The following MCM9 variants were observed in gnomAD, a reference collection of about 807,000 sequenced individuals.
The protein encoded by MCM9 is minichromosome maintenance 9 homologous recombination repair factor.
In MCM9, 55 loss-of-function variants were observed where a neutral mutation model predicts 72.8. The observed-to-expected ratio is 0.76, with a 90% CI of 0.61 to 0.95. MCM9 has a LOEUF of 0.95. MCM9 is among the 40% of genes least tolerant of loss of function. The pLI is 0.00. For missense variants in MCM9, 1,279 were observed against 1,377.0 expected (o/e 0.93, Z 1.13); for synonymous variants, 480 against 503.4 (o/e 0.95, Z 0.62).
chr6:118,894,338 T>A, intron 8 of MCM9: 2 of 1,530,852 alleles, frequency 1.3e-6, no homozygotes, highest in Non-Finnish European at 1.8e-6. Context: ...GTCTGCGCTC[T>A]CCCGAGCGGC....
intron 4 of MCM9, among the ~76,000 whole-genome samples, chr6:118,923,029 C>CAAAAAAAA (rs780562520): frequency 4.6e-5 from 2 of 43,492 alleles, no homozygotes; most frequent in African/African-American, 1.5e-4. Flanking sequence ...AACTCCATCT[C>CAAAAAAAA]AAAAAAAAAA....
intron 8 of MCM9, among the ~76,000 whole-genome samples, chr6:118,882,316 CCCA>C (rs1281707982): frequency 3.9e-5 from 6 of 152,136 alleles, no homozygotes; most frequent in Admixed American, 2.0e-4. Context: ...TGAATCTTCC[CCCA>C]CAAGAAACTG....
chr6:118,910,256 T>G (rs911657626), intron 8 of MCM9, among the ~76,000 whole-genome samples: 10 of 152,148 alleles, frequency 6.6e-5, no homozygotes, highest in Non-Finnish European at 1.2e-4. Context: ...AGTGCTGGTT[T>G]TGACCCACTG....
chr6:118,873,310 G>A (rs552528782), intron 8 of MCM9, among the ~76,000 whole-genome samples: 11 of 151,620 alleles, frequency 7.3e-5, no homozygotes, highest in Admixed American at 2.0e-4. Context: ...AAGAAAGGAA[G>A]TCTACACAGA....
intron 8 of MCM9, among the ~76,000 whole-genome samples, chr6:118,889,223 T>C (rs1446137736): frequency 1.3e-5 from 2 of 152,206 alleles, no homozygotes; most frequent in Admixed American, 6.5e-5. Context: ...ATTAATTACC[T>C]ATTAGCTCAT....
chr6:118,925,693 T>C (rs568975184), intron 3 of MCM9, among the ~76,000 whole-genome samples: 26 of 152,304 alleles, frequency 1.7e-4, no homozygotes, highest in African/African-American at 5.8e-4. Context: ...AATGAACATA[T>C]TCATTATTTA....
chr6:118,853,135 G>A (rs1486713219), intron 9 of MCM9, among the ~76,000 whole-genome samples: 4 of 152,026 alleles, frequency 2.6e-5, no homozygotes, highest in Non-Finnish European at 5.9e-5. Context: ...CTTTGTAGGT[G>A]GGAAAACATA....
In MCM9 at chr6:118,815,982, A is replaced by G; in HGVS notation, c.2274T>C (p.Thr758=). ...TTTTGGGATGAGGAGACACAACAAC[A>G]GTGTTTTTAGGTTCACTCTGATGAG... ...MATHQSEPKN[T]VVVSPHPKTS... Residue 758 remains threonine, a synonymous_variant, in exon 14 of 14, where the codon ACT becomes ACC. Coordinates refer to ENST00000619706, the MANE Select transcript of MCM9 (RefSeq NM_017696.3). 1.3e-6 allele frequency: 2 copies of G among 1,550,524 alleles called. No individual in the cohort carries two copies. The highest frequency in any genetic ancestry group is 1.7e-6 in the Non-Finnish European group (2 of 1,146,956).
At chr6:118,830,082 G>C (rs991826460) in intron 9 of MCM9, among the ~76,000 whole-genome samples, 13 of 152,138 alleles carry the variant, frequency 8.5e-5, no homozygotes, top group Non-Finnish European at 1.6e-4. Flanking sequence ...GAGCGTGGCA[G>C]GATAGGGATG....
chr6:118,903,691 C>T (rs538385320), intron 8 of MCM9, among the ~76,000 whole-genome samples: 21 of 152,224 alleles, frequency 1.4e-4, no homozygotes, highest in African/African-American at 4.8e-4. Flanking sequence ...AGGATGTGAG[C>T]GAAGGACCTT....
chr6:118,839,045 C>T (rs758814817), intron 9 of MCM9, among the ~76,000 whole-genome samples: 3 of 152,156 alleles, frequency 2.0e-5, no homozygotes, highest in Non-Finnish European at 2.9e-5. Context: ...TTCTCCCTGT[C>T]ACTTTCAGGT....
chr6:118,841,652 AGG>A (rs1238172229), intron 9 of MCM9, among the ~76,000 whole-genome samples: 3 of 152,160 alleles, frequency 2.0e-5, no homozygotes, highest in African/African-American at 7.2e-5. Context: ...TGGCCCTTCT[AGG>A]GCTGTTAGAA....
At chr6:118,905,226 G>A (rs890530910) in intron 8 of MCM9, among the ~76,000 whole-genome samples, 5 of 152,178 alleles carry the variant, frequency 3.3e-5, no homozygotes, top group Admixed American at 6.5e-5. Context: ...GTTGAAGAGG[G>A]AAACTGGTAT....
intron 4 of MCM9, among the ~76,000 whole-genome samples, chr6:118,922,608 C>T (rs1353917086): frequency 3.9e-5 from 6 of 152,230 alleles, no homozygotes; most frequent in Non-Finnish European, 5.9e-5. Context: ...ATGCAAGAGA[C>T]TTCTTAAGTG....
intron 13 of MCM9, 112 bp downstream of exon 13, chr6:118,826,035 T>C: frequency 8.5e-7 from 1 of 1,175,070 alleles, no homozygotes; most frequent in Non-Finnish European, 1.2e-6. Context: ...AAGAACTTAC[T>C]GACCCAACAC....
chr6:118,826,777 C>G lies in MCM9; in HGVS notation c.1815+5G>C. The G allele has an allele frequency of 6.5e-7, 1 of 1,542,226 alleles. No homozygotes were observed. Among genetic ancestry groups the G allele is most frequent in the African/African-American group, 1.4e-5 (1 of 72,786 alleles). ...ATAAAAATTAGGTACACAAAATATCCTTACCTGCATTGAGGACTCCATGAC... is the reference window on the plus strand; with the variant it reads ...ATAAAAATTAGGTACACAAAATATCGTTACCTGCATTGAGGACTCCATGAC... On this transcript the variant is annotated splice_donor_5th_base_variant and intron_variant, in intron 12 of 13. Transcript: ENST00000619706.
intron 2 of MCM9, among the ~76,000 whole-genome samples, chr6:118,932,127 C>T (rs984607758): frequency 6.6e-6 from 1 of 152,162 alleles, no homozygotes; most frequent in East Asian, 1.9e-4. Context: ...CTTATTGTAT[C>T]TTTTCTATGC....
intron 8 of MCM9, among the ~76,000 whole-genome samples, chr6:118,868,520 A>T (rs983205534): frequency 2.6e-5 from 4 of 152,158 alleles, no homozygotes; most frequent in African/African-American, 9.7e-5. Context: ...CAATCTACCC[A>T]TCTGACAAAG....
chr6:118,882,965 C>G (rs1190551032), intron 8 of MCM9, among the ~76,000 whole-genome samples: 1 of 148,392 alleles, frequency 6.7e-6, no homozygotes, highest in Non-Finnish European at 1.5e-5. Context: ...GGCCCACACA[C>G]AGGGAGAAAA....
Sources: allele counts gnomAD v4.1 joint callset (sites outside exome capture counted in the v4.1 genomes callset), GRCh38; gene constraint gnomAD v4.1.1; transcripts MANE v1.5; gene names NCBI Gene and HGNC (gene_info 2026-07-23, HGNC 2026-07-21).